The following MYO16 variants were observed in gnomAD, a reference collection of about 807,000 sequenced individuals.
MYO16 encodes unconventional myosin-XVI.
MYO16 carries 94 observed loss-of-function variants against 205.3 expected under a neutral mutation model. The ratio of observed to expected loss-of-function variants is 0.46; its 90% CI spans 0.39 to 0.54. MYO16 has a LOEUF of 0.54. Among genes scored for constraint, MYO16 ranks in the 20% least tolerant of loss-of-function variants. The pLI, the probability that MYO16 is intolerant of heterozygous loss-of-function variation, is 0.00. For synonymous variants in MYO16, 988 were observed against 954.0 expected, an observed-to-expected ratio of 1.04 and a Z score of -0.66; for missense variants, 2,315 against 2,387.5, an observed-to-expected ratio of 0.97 and a Z score of 0.63.
At chr13:108,953,128 A>G (rs1883218978) in intron 16 of MYO16, among the ~76,000 whole-genome samples, 1 of 152,238 alleles carries the variant, frequency 6.6e-6, no homozygotes, top group South Asian at 2.1e-4. Context: ...CCATTGTAAC[A>G]TTGCATCAAT....
At chr13:108,507,563 C>T in the MYO16 span, among the ~76,000 whole-genome samples, 22 of 152,130 alleles carry the variant, frequency 1.4e-4, no homozygotes, top group African/African-American at 5.1e-4. Context: ...CTGTCTTTGA[C>T]TTTTGCCAGT....
the MYO16 span, among the ~76,000 whole-genome samples, chr13:108,538,046 C>T: frequency 6.6e-6 from 1 of 151,982 alleles, no homozygotes; most frequent in South Asian, 2.1e-4. Context: ...GTTCTTGTTG[C>T]CTTTGCTTTG....
chr13:109,100,744 C>G (rs1345640155), intron 27 of MYO16, 41 bp from the exon 28 acceptor site: 1 of 1,492,596 alleles, frequency 6.7e-7, no homozygotes, highest in Non-Finnish European at 9.3e-7. Context: ...ATGTGCTTGG[C>G]AAATGCAGTC....
intron 27 of MYO16, among the ~76,000 whole-genome samples, chr13:109,079,734 C>A (rs910820181): frequency 3.9e-5 from 6 of 151,930 alleles, no homozygotes; most frequent in Non-Finnish European, 8.8e-5. Flanking sequence ...TGCACATGTA[C>A]CCTTGTATCT....
intron 31 of MYO16, among the ~76,000 whole-genome samples, chr13:109,135,648 A>T (rs907914425): frequency 3.3e-5 from 5 of 152,190 alleles, no homozygotes; most frequent in African/African-American, 1.2e-4. Flanking sequence ...GCAGGCTCAC[A>T]TTGCACCTCG....
chr13:109,173,118 G>A (rs1878987257), intron 33 of MYO16, among the ~76,000 whole-genome samples: 1 of 152,148 alleles, frequency 6.6e-6, no homozygotes, highest in Non-Finnish European at 1.5e-5. Context: ...GATGGCAAGA[G>A]GAAACCCAGT....
chr13:108,842,830 G>A (rs564375252), intron 9 of MYO16, among the ~76,000 whole-genome samples: 12 of 152,142 alleles, frequency 7.9e-5, no homozygotes, highest in Admixed American at 5.2e-4. Flanking sequence ...CATTATTCAC[G>A]ATAGTAATAA....
At position 108,712,696 on chromosome 13, in the gene MYO16, A is replaced by G; in HGVS notation, c.328A>G (p.Thr110Ala). ...CCTGAAGGAGGGGGCAGACCCCCAC[A>G]CCCTCGTCTCCTCGGGAGGGTCCCT... is the stretch of plus-strand genomic sequence containing the variant. ...RLLKEGADPH[T>A]LVSSGGSLLH... The change falls in exon 3 of 35, where the codon ACC becomes GCC. Residue 110 changes from threonine (T) to alanine (A), a missense_variant. Transcript: ENST00000457511. The G allele has an allele frequency of 6.2e-7, 1 of 1,614,110 alleles. No homozygotes were observed. The highest frequency in any genetic ancestry group is 8.5e-7 in the Non-Finnish European group (1 of 1,179,988).
chr13:109,045,746 A>G (rs1887020538), intron 23 of MYO16, among the ~76,000 whole-genome samples: 1 of 152,184 alleles, frequency 6.6e-6, no homozygotes, highest in African/African-American at 2.4e-5. Context: ...TGCATCAGGG[A>G]TCACCCACCT....
At chr13:108,909,643 A>G (rs1881166718) in intron 15 of MYO16, among the ~76,000 whole-genome samples, 1 of 151,862 alleles carries the variant, frequency 6.6e-6, no homozygotes, top group Non-Finnish European at 1.5e-5. Context: ...GTGTAAGTTA[A>G]TATCCATCAT....
At chr13:108,886,642 T>C (rs893790818) in intron 13 of MYO16, among the ~76,000 whole-genome samples, 1 of 152,074 alleles carries the variant, frequency 6.6e-6, no homozygotes, top group Non-Finnish European at 1.5e-5. Context: ...TCCATATTGA[T>C]TGATTTCCCT....
chr13:109,119,239 C>T (rs1875868876), intron 28 of MYO16, among the ~76,000 whole-genome samples: 4 of 152,136 alleles, frequency 2.6e-5, no homozygotes, highest in East Asian at 1.9e-4. Flanking sequence ...CACGTGCCAG[C>T]GTCTGGTGGT....
intron 2 of MYO16, among the ~76,000 whole-genome samples, chr13:108,684,497 G>A (rs182969605): frequency 5.9e-5 from 9 of 152,222 alleles, no homozygotes; most frequent in African/African-American, 2.2e-4. Context: ...TGGATCTGTG[G>A]ATCTGTATAT....
the MYO16 span, among the ~76,000 whole-genome samples, chr13:108,591,103 C>G: frequency 6.6e-6 from 1 of 152,064 alleles, no homozygotes; most frequent in Non-Finnish European, 1.5e-5. Flanking sequence ...CCCTTGTGGT[C>G]CCCAGCCTTG....
intron 1 of MYO16, among the ~76,000 whole-genome samples, chr13:108,605,780 T>C (rs2139307467): frequency 6.6e-6 from 1 of 152,234 alleles, no homozygotes; most frequent in South Asian, 2.1e-4. Flanking sequence ...ACCAGGGTAG[T>C]GGGGCGCTGC....
Position 108,637,843 on chromosome 13 carries a change from C to T in MYO16, c.28+7971C>T, listed in dbSNP as rs570358811. 1.2e-3 allele frequency among the ~76,000 whole-genome samples: 184 copies of T among 152,008 alleles called. 1 individual carries two copies. Among genetic ancestry groups the T allele is most frequent in the African/African-American group, 4.3e-3 (178 of 41,454 alleles). The stretch of plus-strand genomic sequence containing the variant: ...TGAGCTGAGATCACACCATTGCACT[C>T]GAGCCTGGGCAACACAAATAAATAG... On this transcript the variant is annotated intron_variant, in intron 1 of 34. Transcript: ENST00000457511.
chr13:109,063,953 TA>T (rs1887665469), intron 27 of MYO16, among the ~76,000 whole-genome samples: 1 of 152,138 alleles, frequency 6.6e-6, no homozygotes, highest in Non-Finnish European at 1.5e-5. Flanking sequence ...AAATACCAGA[TA>T]AGTTGGTATC....
At chr13:109,088,979 A>C (rs1036697189) in intron 27 of MYO16, among the ~76,000 whole-genome samples, 2 of 152,136 alleles carry the variant, frequency 1.3e-5, no homozygotes, top group African/African-American at 4.8e-5. Flanking sequence ...CCCGTTTCAG[A>C]TGCTGTCTTA....
chr13:108,980,111 A>G (rs1341941150), intron 20 of MYO16, among the ~76,000 whole-genome samples: 1 of 152,180 alleles, frequency 6.6e-6, no homozygotes. Flanking sequence ...GTCATTTTTT[A>G]TATTAAACAT....
Sources: gnomAD v4.1 joint callset for allele counts (sites outside exome capture counted in the v4.1 genomes callset) on GRCh38, gnomAD v4.1.1 for gene constraint, MANE v1.5 for transcripts, NCBI Gene and HGNC (gene_info 2026-07-23, HGNC 2026-07-21) for gene names.